Variants in KCNMB2 observed in about 807,000 individuals in gnomAD.
KCNMB2 encodes the protein potassium calcium-activated channel subfamily M regulatory beta subunit 2.
A neutral mutation model predicts 24.5 loss-of-function variants in KCNMB2; 9 were observed. The ratio of observed to expected loss-of-function variants is 0.37; its 90% CI spans 0.22 to 0.64. The LOEUF (loss-of-function observed/expected upper bound fraction) is 0.64. Ranked by LOEUF, KCNMB2 falls within the 30% of genes least tolerant of loss-of-function variation. The pLI is 0.63. For synonymous variants in KCNMB2, 109 were observed against 104.4 expected, an observed-to-expected ratio of 1.04 and a Z score of -0.27; for missense variants, 226 against 284.3, an observed-to-expected ratio of 0.79 and a Z score of 1.47.
At chr3:178,675,630 C>A (rs1325455100) in intron 1 of KCNMB2, among the ~76,000 whole-genome samples, 1 of 152,176 alleles carries the variant, frequency 6.6e-6, no homozygotes, top group Non-Finnish European at 1.5e-5. Context: ...TCAATGTTCA[C>A]ATGTTTTCTT....
At chr3:178,575,810 A>AC (rs892023015) in intron 1 of KCNMB2, among the ~76,000 whole-genome samples, 38 of 152,118 alleles carry the variant, frequency 2.5e-4, no homozygotes, top group African/African-American at 9.2e-4. Context: ...ATAGGGAAAA[A>AC]ATTTTTATGT....
intron 1 of KCNMB2, among the ~76,000 whole-genome samples, chr3:178,695,553 T>C (rs1045692621): frequency 2.6e-5 from 4 of 152,148 alleles, no homozygotes; most frequent in African/African-American, 9.7e-5. Flanking sequence ...CCCTAAATCA[T>C]CTCTCATAAA....
At chr3:178,618,942 G>C (rs530969888) in intron 1 of KCNMB2, among the ~76,000 whole-genome samples, 8 of 152,134 alleles carry the variant, frequency 5.3e-5, no homozygotes, top group African/African-American at 1.9e-4. Context: ...TTGGGACTAG[G>C]GAATACAAAT....
chr3:178,553,537 CTT>C (rs78958133), intron 1 of KCNMB2, among the ~76,000 whole-genome samples: 23 of 138,974 alleles, frequency 1.7e-4, no homozygotes, highest in Admixed American at 2.9e-4. Context: ...AGAGAGATTC[CTT>C]TTTTTTTTTT....
chr3:178,639,358 A>C (rs374252725), intron 1 of KCNMB2, among the ~76,000 whole-genome samples: 2 of 152,172 alleles, frequency 1.3e-5, no homozygotes, highest in Admixed American at 1.3e-4. Flanking sequence ...AAGAGAATCA[A>C]AGTAATTTGA....
At chr3:178,812,095 T>C (rs555897620) in intron 2 of KCNMB2, among the ~76,000 whole-genome samples, 1 of 152,298 alleles carries the variant, frequency 6.6e-6, no homozygotes, top group East Asian at 1.9e-4. Flanking sequence ...TGTTTGTCTT[T>C]TACTTGACTT....
intron 1 of KCNMB2, among the ~76,000 whole-genome samples, chr3:178,613,359 T>A (rs1718564706): frequency 6.6e-6 from 1 of 152,244 alleles, no homozygotes; most frequent in African/African-American, 2.4e-5. Flanking sequence ...ATTGTGCCAC[T>A]GTCCTTTACA....
intron 2 of KCNMB2, chr3:178,820,696 A>G (rs1037196801): frequency 3.3e-5 from 5 of 152,672 alleles, no homozygotes; most frequent in Admixed American, 3.3e-4. Flanking sequence ...CTCAAAATAA[A>G]ATTTTACTAG....
chr3:178,810,246 C>T (rs143877331), intron 2 of KCNMB2, among the ~76,000 whole-genome samples: 30 of 152,306 alleles, frequency 2.0e-4, no homozygotes, highest in African/African-American at 7.0e-4. Context: ...TCTGACAGCA[C>T]TGCCTCAAAT....
chr3:178,710,369 A>G (rs1722412470), intron 1 of KCNMB2, among the ~76,000 whole-genome samples: 2 of 152,092 alleles, frequency 1.3e-5, no homozygotes, highest in South Asian at 4.1e-4. Context: ...TGAACTACCC[A>G]TATTCAAACC....
At chr3:178,788,045 T>C (rs1350387273) in intron 1 of KCNMB2, among the ~76,000 whole-genome samples, 1 of 152,172 alleles carries the variant, frequency 6.6e-6, no homozygotes, top group Non-Finnish European at 1.5e-5. Flanking sequence ...ATTGTTGTCA[T>C]CTCAAGTTCT....
Position 178,591,230 on chromosome 3 carries a change from A to G in KCNMB2, c.-68+54519A>G, listed in dbSNP as rs188063721. Among the ~76,000 whole-genome samples the G allele has an allele frequency of 3.9e-4, 60 of 152,280 alleles. No individual in the cohort carries two copies. The East Asian group carries it at 0.011, about 28-fold the overall frequency. On this transcript the variant is annotated intron_variant, in intron 1 of 4. Coordinates refer to ENST00000452583, the MANE Select transcript of KCNMB2 (RefSeq NM_181361.3). ...ACATCCCTGTACATAATCAATACTCAATGGTTAAGATTAATAAATACTCAT... is the reference window on the plus strand; with the variant it reads ...ACATCCCTGTACATAATCAATACTCGATGGTTAAGATTAATAAATACTCAT...
chr3:178,584,039 T>C (rs1207369258), intron 1 of KCNMB2, among the ~76,000 whole-genome samples: 1 of 152,230 alleles, frequency 6.6e-6, no homozygotes, highest in East Asian at 1.9e-4. Context: ...TGTTTTGTAA[T>C]GTCTAACTTC....
At chr3:178,656,697 G>A (rs779563253) in intron 1 of KCNMB2, among the ~76,000 whole-genome samples, 3 of 151,986 alleles carry the variant, frequency 2.0e-5, no homozygotes, top group Non-Finnish European at 4.4e-5. Flanking sequence ...CGCTTGAACC[G>A]GGAGATGGAG....
chr3:178,549,453 G>A (rs1289104403), intron 1 of KCNMB2, among the ~76,000 whole-genome samples: 1 of 149,170 alleles, frequency 6.7e-6, no homozygotes, highest in East Asian at 2.0e-4. Flanking sequence ...TGGGATTACA[G>A]GCACACACCA....
chr3:178,587,301 G>A (rs1717479073), intron 1 of KCNMB2, among the ~76,000 whole-genome samples: 1 of 152,060 alleles, frequency 6.6e-6, no homozygotes, highest in Non-Finnish European at 1.5e-5. Context: ...AGCAGAAATG[G>A]ATTATCCCAG....
intron 1 of KCNMB2, among the ~76,000 whole-genome samples, chr3:178,548,120 C>T (rs942215183): frequency 6.6e-6 from 1 of 152,170 alleles, no homozygotes; most frequent in African/African-American, 2.4e-5. Context: ...AAATAACCTC[C>T]TCAACTCTAC....
intron 1 of KCNMB2, among the ~76,000 whole-genome samples, chr3:178,790,481 C>A (rs1577190801): frequency 6.6e-6 from 1 of 152,188 alleles, no homozygotes; most frequent in Non-Finnish European, 1.5e-5. Context: ...AATTCCATAT[C>A]TTGGTTCCTG....
chr3:178,817,326 T>C (rs1262336098), intron 2 of KCNMB2, among the ~76,000 whole-genome samples: 1 of 150,424 alleles, frequency 6.6e-6, no homozygotes, highest in East Asian at 1.9e-4. Context: ...ATAATTAAAC[T>C]AATCAAATTG....
Sources: allele counts gnomAD v4.1 joint callset (sites outside exome capture counted in the v4.1 genomes callset), GRCh38; gene constraint gnomAD v4.1.1; transcripts MANE v1.5; gene names NCBI Gene and HGNC (gene_info 2026-07-23, HGNC 2026-07-21).